The following COLGALT2 variants were observed in gnomAD, a reference collection of about 807,000 sequenced individuals.
COLGALT2 encodes procollagen galactosyltransferase 2.
A neutral mutation model predicts 73.4 loss-of-function variants in COLGALT2; 49 were observed. The observed-to-expected ratio is 0.67, with a 90% CI of 0.53 to 0.85. The LOEUF is 0.85. COLGALT2 is among the 40% of genes least tolerant of loss of function. COLGALT2 has a pLI of 0.00. For missense variants in COLGALT2, 722 were observed against 790.2 expected (o/e 0.91, Z 1.03); for synonymous variants, 295 against 307.6 (o/e 0.96, Z 0.43).
rs35844838 is a variant in COLGALT2, at chr1:184,024,655, C to CTTTTTTTT, written c.263+12432_263+12439dup. On this transcript the variant is annotated intron_variant, in intron 1 of 11. Transcript: ENST00000361927. ...CGTGAGCCACCACACCCAGCCTCAG[C>CTTTTTTTT]TTTTTTTTTTTTTTTTTTCTGAGCA... is the stretch of plus-strand genomic sequence containing the variant. 3.2e-4 allele frequency among the ~76,000 whole-genome samples: 41 copies of CTTTTTTTT among 128,264 alleles called. No individual in the cohort carries two copies. In the East Asian group the frequency reaches 9.1e-3, roughly 28 times the overall value. 84.1% of individuals were successfully genotyped at this position (128,264 alleles called of 152,430 possible).
intron 1 of COLGALT2, among the ~76,000 whole-genome samples, chr1:184,032,100 C>T (rs182849478): frequency 5.3e-5 from 8 of 152,114 alleles, no homozygotes; most frequent in Non-Finnish European, 1.0e-4. Flanking sequence ...CACCATGTTG[C>T]CCAGGCTGGT....
intron 5 of COLGALT2, 63 bp from the exon 6 acceptor site, chr1:183,964,083 G>T: frequency 1.9e-6 from 3 of 1,582,118 alleles, no homozygotes; most frequent in Non-Finnish European, 2.6e-6. Context: ...TGACAAGCGA[G>T]GAGAAGGAAC....
chr1:184,034,278 C>CT (rs11347812), intron 1 of COLGALT2, among the ~76,000 whole-genome samples: 30,215 of 142,842 alleles, frequency 0.21, 3,282 homozygotes, highest in East Asian at 0.46. Flanking sequence ...GCCCTATTAT[C>CT]TTTTTTTTTT....
At chr1:183,954,275 T>G (rs1263664021) in intron 7 of COLGALT2, among the ~76,000 whole-genome samples, 1 of 5,600 alleles carries the variant, frequency 1.8e-4, no homozygotes, top group Non-Finnish European at 2.7e-4. Context: ...AACAAATATG[T>G]TTTTTTTTCT....
chr1:183,962,437 C>T (rs114487348), intron 6 of COLGALT2, among the ~76,000 whole-genome samples: 4,838 of 152,006 alleles, frequency 0.032, 110 homozygotes, highest in Middle Eastern at 0.078. Context: ...GGGATTACAG[C>T]CATGAGCCAC....
In COLGALT2 at chr1:183,993,932, T is replaced by C. The variant is rs35868438; in HGVS notation, c.264-15412A>G. 1.1e-3 allele frequency among the ~76,000 whole-genome samples: 166 copies of C among 151,686 alleles called. 1 individual carries two copies. In the South Asian group the frequency reaches 0.016, roughly 14 times the overall value. On this transcript the variant is annotated intron_variant, in intron 1 of 11. Transcript: ENST00000361927. ...ACCAAAACTTTCATCAGGACTGTTA[T>C]GTGTATGAAGACAGAAGAGAAGCCT...
chr1:183,994,164 A>G (rs112705013), intron 1 of COLGALT2, among the ~76,000 whole-genome samples: 5,698 of 146,220 alleles, frequency 0.039, 365 homozygotes, highest in African/African-American at 0.14. Flanking sequence ...TCAGCCTCCC[A>G]AGTAGCTGGG....
At chr1:183,994,846 G>C (rs370605064) in intron 1 of COLGALT2, among the ~76,000 whole-genome samples, 2 of 151,984 alleles carry the variant, frequency 1.3e-5, no homozygotes, top group Admixed American at 6.6e-5. Flanking sequence ...CAAAATACCT[G>C]GCATAAAATC....
At position 183,953,430 on chromosome 1, in the gene COLGALT2, C is replaced by T. The variant is rs112346926; in HGVS notation, c.1029+1332G>A. ...ACACCGTGTCCTGCCCAAAGAAGAC[C>T]GGAACTGGAAGATCCTGGTTTTGTC... On this transcript the variant is annotated intron_variant, in intron 7 of 11. Transcript: ENST00000361927. Among the ~76,000 whole-genome samples, 347 of 152,212 alleles carry T rather than the reference C, an allele frequency of 2.3e-3. 1 individual carries two copies. Among genetic ancestry groups the T allele is most frequent in the African/African-American group, 7.8e-3 (326 of 41,546 alleles).
At chr1:183,966,584 C>T (rs773072698) in intron 5 of COLGALT2, among the ~76,000 whole-genome samples, 1 of 152,196 alleles carries the variant, frequency 6.6e-6, no homozygotes, top group Non-Finnish European at 1.5e-5. Flanking sequence ...GCCATCCCTC[C>T]ACAAGGGGAC....
Position 184,010,435 on chromosome 1 carries a change from C to CTTCGCTATGGAATCATCAAATG in COLGALT2, c.263+26638_263+26659dup, listed in dbSNP as rs1672204259. 2.6e-5 allele frequency among the ~76,000 whole-genome samples: 4 copies of CTTCGCTATGGAATCATCAAATG among 152,208 alleles called. No individual in the cohort carries two copies. In the South Asian group the frequency reaches 6.2e-4, roughly 24 times the overall value. Reference sequence around the variant, plus strand: ...TAAAGAGTCTGGCAGCCTGGGAGAGCTTCGCTATGGAATCATCAAATGTCT... The same window carrying CTTCGCTATGGAATCATCAAATG: ...TAAAGAGTCTGGCAGCCTGGGAGAGCTTCGCTATGGAATCATCAAATGTTCGCTATGGAATCATCAAATGTCT... On this transcript the variant is annotated intron_variant, in intron 1 of 11. Transcript: ENST00000361927.
At chr1:183,967,136 G>A (rs1308592037) in intron 5 of COLGALT2, among the ~76,000 whole-genome samples, 1 of 152,200 alleles carries the variant, frequency 6.6e-6, no homozygotes, top group Non-Finnish European at 1.5e-5. Flanking sequence ...AAAATACTTA[G>A]AGATAAGTAC....
In COLGALT2 at chr1:183,963,779, T is replaced by C. The variant is rs1259016313; in HGVS notation, c.952+122A>G. The C allele has an allele frequency of 1.4e-5, 14 of 1,008,812 alleles. No individual in the cohort carries two copies. The East Asian group carries it at 3.5e-4, about 25-fold the overall frequency. 62.5% of individuals were successfully genotyped at this position (1,008,812 alleles called of 1,614,324 possible). On this transcript the variant is annotated intron_variant, in intron 6 of 11. Coordinates refer to ENST00000361927, the MANE Select transcript of COLGALT2 (RefSeq NM_015101.4). Reference sequence around the variant, plus strand: ...GAAAGAATGAACAAATAAATAGCTATGTATTCAGCCAGGGGAGACTGATGG... The same window carrying C: ...GAAAGAATGAACAAATAAATAGCTACGTATTCAGCCAGGGGAGACTGATGG...
rs140712886 is a variant in COLGALT2 at position 183,940,594 on chromosome 1, T to C, written c.1591A>G (p.Asn531Asp). The C allele has an allele frequency of 1.3e-3, 2,115 of 1,614,176 alleles. 1 individual carries two copies. The highest frequency in any genetic ancestry group is 1.7e-3 in the Non-Finnish European group (1,966 of 1,180,020). The change falls in exon 11 of 12, where the codon AAC becomes GAC. Residue 531 changes from asparagine (N) to aspartate (D), a missense_variant. Asn to Asp is a conservative substitution (Grantham distance 23). Coordinates refer to ENST00000361927, the MANE Select transcript of COLGALT2 (RefSeq NM_015101.4). ...AGGGAGACTCACACGGGATGCTTGT[T>C]GTACATGACTGGCAGAAACTCATCC... The part of the protein sequence containing the change: ...PVDEFLPVMY[N>D]KHPVAEYKEY...
chr1:183,999,102 G>A (rs1017343868), intron 1 of COLGALT2, among the ~76,000 whole-genome samples: 4 of 151,854 alleles, frequency 2.6e-5, no homozygotes, highest in Admixed American at 2.0e-4. Flanking sequence ...TTTGGTGTTT[G>A]GCTTTTCTTA....
At chr1:183,943,592 T>C (rs1670171607) in intron 10 of COLGALT2, among the ~76,000 whole-genome samples, 1 of 151,880 alleles carries the variant, frequency 6.6e-6, no homozygotes, top group Admixed American at 6.6e-5. Context: ...ACAAAGAACA[T>C]TAACTAAATG....
At chr1:183,940,557 G>C (rs952790999) in intron 11 of COLGALT2, 24 bp downstream of exon 11, 6 of 1,607,322 alleles carry the variant, frequency 3.7e-6, no homozygotes, top group African/African-American at 1.3e-5. Flanking sequence ...CCCAAGGGAA[G>C]GCAGGCAGTT....
downstream of COLGALT2, among the ~76,000 whole-genome samples, chr1:183,932,306 G>T (rs1459802476): frequency 2.0e-5 from 3 of 152,204 alleles, no homozygotes; most frequent in Non-Finnish European, 4.4e-5. Context: ...CTGAAAGATA[G>T]AGATTAATGA....
chr1:184,035,825 T>C (rs1402104011), intron 1 of COLGALT2, among the ~76,000 whole-genome samples: 2 of 152,254 alleles, frequency 1.3e-5, no homozygotes, highest in African/African-American at 2.4e-5. Flanking sequence ...CCCAGTGCTC[T>C]CTTTCCACAT....
Sources: gnomAD v4.1 joint callset for allele counts (sites outside exome capture counted in the v4.1 genomes callset) on GRCh38, gnomAD v4.1.1 for gene constraint, MANE v1.5 for transcripts, NCBI Gene and HGNC (gene_info 2026-07-23, HGNC 2026-07-21) for gene names.